Variants in CDH13 observed in about 807,000 individuals in gnomAD.
CDH13 encodes the protein cadherin-13.
In CDH13, 24 loss-of-function variants were observed where a neutral mutation model predicts 63.8. The ratio of observed to expected loss-of-function variants is 0.38; its 90% CI spans 0.27 to 0.53. The LOEUF is 0.53. Ranked by LOEUF, CDH13 falls within the 20% of genes least tolerant of loss-of-function variation. The pLI is 0.85. For synonymous variants in CDH13, 503 were observed against 355.3 expected (o/e 1.42, Z -4.67); for missense variants, 1,049 against 903.1 (o/e 1.16, Z -2.07).
intron 6 of CDH13, among the ~76,000 whole-genome samples, chr16:83,467,757 A>T (rs982313198): frequency 6.6e-6 from 1 of 151,970 alleles, no homozygotes; most frequent in Non-Finnish European, 1.5e-5. Context: ...CCAACCCACC[A>T]CACACCGGCT....
intron 6 of CDH13, among the ~76,000 whole-genome samples, chr16:83,355,250 A>G (rs1275250372): frequency 6.6e-6 from 1 of 152,232 alleles, no homozygotes; most frequent in Admixed American, 6.5e-5. Context: ...AGTGTGTGAC[A>G]AATCGGAAAA....
At chr16:82,693,660 T>G (rs964870052) in intron 1 of CDH13, among the ~76,000 whole-genome samples, 2 of 152,238 alleles carry the variant, frequency 1.3e-5, no homozygotes, top group East Asian at 3.8e-4. Flanking sequence ...AGTGAATCAT[T>G]AATGAGCACT....
chr16:82,848,584 G>C (rs1489786982), intron 1 of CDH13, among the ~76,000 whole-genome samples: 2 of 58,226 alleles, frequency 3.4e-5, no homozygotes, highest in African/African-American at 6.4e-5. Context: ...TTTTTTTTTG[G>C]GTGGGGGGAG....
chr16:82,839,441 A>G (rs1012539630), intron 1 of CDH13, among the ~76,000 whole-genome samples: 33 of 152,198 alleles, frequency 2.2e-4, no homozygotes. Flanking sequence ...TGGGATTAAG[A>G]TACCTGGCAG....
intron 2 of CDH13, chr16:82,884,328 G>C: frequency 2.4e-6 from 1 of 411,312 alleles, no homozygotes; most frequent in Non-Finnish European, 4.8e-6. Context: ...ACCTGGGGAG[G>C]GGGTGTTAGA....
intron 8 of CDH13, among the ~76,000 whole-genome samples, chr16:83,663,588 A>G (rs1440843689): frequency 1.3e-5 from 2 of 152,206 alleles, no homozygotes; most frequent in Admixed American, 6.5e-5. Flanking sequence ...TTACTTTATG[A>G]AAGATGTGAC....
chr16:83,046,491 T>C (rs1281664174), intron 3 of CDH13, among the ~76,000 whole-genome samples: 1 of 152,238 alleles, frequency 6.6e-6, no homozygotes, highest in Admixed American at 6.5e-5. Context: ...ATCCCATATA[T>C]GTTTTGAGAA....
chr16:82,953,811 C>G (rs566833349), intron 2 of CDH13: 3 of 152,116 alleles, frequency 2.0e-5, no homozygotes, highest in African/African-American at 7.2e-5. Flanking sequence ...ATCTGATAAA[C>G]AATTCCAGTC....
At chr16:82,736,980 C>T (rs1034809145) in intron 1 of CDH13, among the ~76,000 whole-genome samples, 5 of 152,218 alleles carry the variant, frequency 3.3e-5, no homozygotes, top group Non-Finnish European at 5.9e-5. Context: ...TTCTGCCTCT[C>T]TGCATTCCTT....
intron 5 of CDH13, among the ~76,000 whole-genome samples, chr16:83,331,577 T>G (rs977761931): frequency 2.6e-5 from 4 of 152,214 alleles, no homozygotes; most frequent in Non-Finnish European, 5.9e-5. Context: ...GATTTCTTTT[T>G]TAACTTTGAA....
chr16:82,690,204 G>A (rs1005216964), intron 1 of CDH13, among the ~76,000 whole-genome samples: 75 of 150,794 alleles, frequency 5.0e-4, no homozygotes, highest in African/African-American at 1.8e-3. Flanking sequence ...ATGACCCCGG[G>A]TGGGTGGCTG....
At chr16:83,244,653 A>T (rs1567534516) in intron 5 of CDH13, among the ~76,000 whole-genome samples, 1 of 152,110 alleles carries the variant, frequency 6.6e-6, no homozygotes, top group Non-Finnish European at 1.5e-5. Context: ...ATCTAGTTGC[A>T]TTTGTTGCTA....
At chr16:83,409,148 C>T (rs113771662) in intron 6 of CDH13, among the ~76,000 whole-genome samples, 1,797 of 152,244 alleles carry the variant, frequency 0.012, 40 homozygotes, top group Non-Finnish European at 0.012. Context: ...CAGCCAATAA[C>T]GTAACCAGCC....
chr16:82,800,898 C>G (rs1410770064), intron 1 of CDH13, among the ~76,000 whole-genome samples: 1 of 152,166 alleles, frequency 6.6e-6, no homozygotes, highest in Non-Finnish European at 1.5e-5. Flanking sequence ...CATTTTCATG[C>G]ACCTTATTTC....
intron 1 of CDH13, among the ~76,000 whole-genome samples, chr16:82,720,523 C>G (rs1028539290): frequency 2.0e-5 from 3 of 152,136 alleles, no homozygotes; most frequent in African/African-American, 7.2e-5. Context: ...CACGCTCACA[C>G]TCACTCATAC....
At position 83,418,479 on chromosome 16, in the gene CDH13, C is replaced by G. The variant is rs2071617728; in HGVS notation, c.782-67998C>G. ...ATAAAATGTCAGACTTTCTTACATT[C>G]TCATAGGTCAGTAGGTTGTTCCTAT... is the stretch of plus-strand genomic sequence containing the variant. On this transcript the variant is annotated intron_variant, in intron 6 of 13. Coordinates refer to ENST00000567109, the MANE Select transcript of CDH13 (RefSeq NM_001257.5). 3.9e-5 allele frequency among the ~76,000 whole-genome samples: 6 copies of G among 152,240 alleles called. No homozygotes were observed. In the South Asian group the frequency reaches 1.2e-3, roughly 32 times the overall value.
intron 10 of CDH13, among the ~76,000 whole-genome samples, chr16:83,729,434 A>G (rs767374861): frequency 5.9e-5 from 9 of 152,230 alleles, no homozygotes; most frequent in Non-Finnish European, 1.2e-4. Flanking sequence ...ATATAGGCTC[A>G]TGGTAAAAAT....
At chr16:83,043,168 A>G (rs1597209154) in intron 3 of CDH13, among the ~76,000 whole-genome samples, 1 of 152,204 alleles carries the variant, frequency 6.6e-6, no homozygotes, top group African/African-American at 2.4e-5. Flanking sequence ...CTATTCATAT[A>G]TAGATAAAAA....
At chr16:82,951,203 A>C (rs1214258669) in intron 2 of CDH13, among the ~76,000 whole-genome samples, 1 of 152,134 alleles carries the variant, frequency 6.6e-6, no homozygotes, top group African/African-American at 2.4e-5. Context: ...CAGTGGAATC[A>C]TTGTGAGACT....
Sources: gnomAD v4.1 joint callset for allele counts (sites outside exome capture counted in the v4.1 genomes callset) on GRCh38, gnomAD v4.1.1 for gene constraint, MANE v1.5 for transcripts, NCBI Gene and HGNC (gene_info 2026-07-23, HGNC 2026-07-21) for gene names.